The following ARL15 variants were observed in gnomAD, a reference collection of about 807,000 sequenced individuals.
The protein encoded by ARL15 is ADP-ribosylation factor-like protein 15.
Under a neutral mutation model 25.2 loss-of-function variants are expected in ARL15, and 19 were observed. That is an observed-to-expected ratio of 0.75 (90% CI 0.53 to 1.10). The LOEUF is 1.10. ARL15 is among the 50% of genes least tolerant of loss of function. The pLI, the probability that ARL15 is intolerant of heterozygous loss-of-function variation, is 0.00. For synonymous variants in ARL15, 94 were observed against 86.8 expected (o/e 1.08, Z -0.46); for missense variants, 220 against 246.0 (o/e 0.89, Z 0.71).
intron 1 of ARL15, chr5:54,310,206 C>A (rs1758860412): frequency 2.1e-6 from 1 of 478,728 alleles, no homozygotes; most frequent in Non-Finnish European, 3.7e-6. Flanking sequence ...CGCCCTGCAG[C>A]CGTGCTGGCC....
intron 4 of ARL15, among the ~76,000 whole-genome samples, chr5:54,000,997 A>T (rs1024729842): frequency 6.6e-6 from 1 of 152,186 alleles, no homozygotes; most frequent in African/African-American, 2.4e-5. Context: ...GAAATTCTTA[A>T]TAATTTTATC....
chr5:54,071,336 G>A (rs1751411861), intron 4 of ARL15, among the ~76,000 whole-genome samples: 1 of 152,040 alleles, frequency 6.6e-6, no homozygotes, highest in South Asian at 2.1e-4. Context: ...AAAAAATGAT[G>A]AGAAGCCTGA....
intron 1 of ARL15, among the ~76,000 whole-genome samples, chr5:54,187,911 G>A (rs927568829): frequency 1.3e-5 from 2 of 152,170 alleles, no homozygotes; most frequent in African/African-American, 4.8e-5. Context: ...CCATGGGACA[G>A]TCTGGGCTAT....
chr5:53,940,724 A>G (rs1746516220), intron 4 of ARL15, among the ~76,000 whole-genome samples: 1 of 152,228 alleles, frequency 6.6e-6, no homozygotes. Context: ...CATAACTTCT[A>G]GAGCTTTTAT....
chr5:53,961,910 C>T (rs1465687419), intron 4 of ARL15, among the ~76,000 whole-genome samples: 1 of 152,124 alleles, frequency 6.6e-6, no homozygotes, highest in East Asian at 1.9e-4. Flanking sequence ...TCGATAGCAG[C>T]ACATATTTTT....
At chr5:54,161,717 C>T (rs144659357) in intron 2 of ARL15, among the ~76,000 whole-genome samples, 269 of 152,222 alleles carry the variant, frequency 1.8e-3, no homozygotes, top group African/African-American at 6.2e-3. Context: ...ATATCTGATG[C>T]AAATACTTCC....
chr5:54,232,335 T>C (rs1393985742), intron 1 of ARL15, among the ~76,000 whole-genome samples: 3 of 152,158 alleles, frequency 2.0e-5, no homozygotes, highest in Non-Finnish European at 4.4e-5. Flanking sequence ...GCACTATTAA[T>C]ACATAGTGCT....
At chr5:54,190,983 G>T (rs1404818631) in intron 1 of ARL15, among the ~76,000 whole-genome samples, 1 of 152,110 alleles carries the variant, frequency 6.6e-6, no homozygotes, top group African/African-American at 2.4e-5. Context: ...CTGAAAGCAG[G>T]ATCTGGAAGA....
chr5:53,936,179 C>T (rs1746344291), intron 4 of ARL15, among the ~76,000 whole-genome samples: 1 of 152,184 alleles, frequency 6.6e-6, no homozygotes, highest in African/African-American at 2.4e-5. Context: ...TCATGTTAGG[C>T]CTCTTTTCCT....
At chr5:53,966,417 T>C (rs1747568517) in intron 4 of ARL15, among the ~76,000 whole-genome samples, 2 of 152,152 alleles carry the variant, frequency 1.3e-5, no homozygotes, top group South Asian at 2.1e-4. Context: ...TAAATGTAAG[T>C]AAGTGTTTCC....
intron 4 of ARL15, among the ~76,000 whole-genome samples, chr5:53,893,589 C>A (rs1561138833): frequency 6.6e-6 from 1 of 152,122 alleles, no homozygotes; most frequent in Admixed American, 6.5e-5. Context: ...GCCTGGGCGA[C>A]AGAGCGAGAC....
At chr5:54,139,695 G>A (rs1361426158) in intron 3 of ARL15, among the ~76,000 whole-genome samples, 1 of 152,086 alleles carries the variant, frequency 6.6e-6, no homozygotes, top group Non-Finnish European at 1.5e-5. Context: ...AGCTGAGCAT[G>A]GTGATATCCA....
chr5:54,101,518 A>G (rs1014815195), intron 4 of ARL15, among the ~76,000 whole-genome samples: 1 of 152,130 alleles, frequency 6.6e-6, no homozygotes, highest in Non-Finnish European at 1.5e-5. Context: ...CTACTACAAC[A>G]TTCAGAATAA....
chr5:53,981,297 T>C (rs1748109377), intron 4 of ARL15, among the ~76,000 whole-genome samples: 1 of 152,212 alleles, frequency 6.6e-6, no homozygotes, highest in Non-Finnish European at 1.5e-5. Flanking sequence ...TGGTATTAAT[T>C]ATTGCCTTAG....
At chr5:54,204,728 C>A (rs1251916508) in intron 1 of ARL15, among the ~76,000 whole-genome samples, 1 of 152,084 alleles carries the variant, frequency 6.6e-6, no homozygotes, top group Non-Finnish European at 1.5e-5. Flanking sequence ...TAAAAGCACA[C>A]CGTAGGTATT....
intron 4 of ARL15, among the ~76,000 whole-genome samples, chr5:54,048,506 G>A (rs567817454): frequency 1.2e-4 from 18 of 150,388 alleles, no homozygotes; most frequent in African/African-American, 3.6e-4. Context: ...GGGTTCAAGC[G>A]ATTCTCCTGC....
intron 4 of ARL15, among the ~76,000 whole-genome samples, chr5:53,931,078 A>C (rs150634149): frequency 0.02 from 3,010 of 152,330 alleles, 43 homozygotes; most frequent in Non-Finnish European, 0.026. Context: ...TTATCAACAT[A>C]AATGTTTAAA....
chr5:54,265,634 A>G (rs1757605184), intron 1 of ARL15, among the ~76,000 whole-genome samples: 1 of 76,458 alleles, frequency 1.3e-5, no homozygotes, highest in South Asian at 4.0e-4. Flanking sequence ...TCAAATTTAT[A>G]TAAAAAATGT....
chr5:53,906,186 T>C (rs1287831545), intron 4 of ARL15, among the ~76,000 whole-genome samples: 2 of 152,232 alleles, frequency 1.3e-5, no homozygotes, highest in African/African-American at 4.8e-5. Context: ...ACTTGAATTC[T>C]GACTTCTTAT....
Sources: allele counts gnomAD v4.1 joint callset (sites outside exome capture counted in the v4.1 genomes callset), GRCh38; gene constraint gnomAD v4.1.1; transcripts MANE v1.5; gene names NCBI Gene and HGNC (gene_info 2026-07-23, HGNC 2026-07-21).